Variants in ERC2 observed in about 807,000 individuals in gnomAD.
The protein encoded by ERC2 is ERC protein 2.
ERC2 carries 42 observed loss-of-function variants against 114.8 expected under a neutral mutation model. The ratio of observed to expected loss-of-function variants is 0.37; its 90% CI spans 0.29 to 0.47. The LOEUF (loss-of-function observed/expected upper bound fraction) is 0.47. Among genes scored for constraint, ERC2 ranks in the 20% least tolerant of loss-of-function variants. The probability of loss-of-function intolerance (pLI) is 0.99; values close to 1 mark genes in which losing one functional copy is unlikely to be tolerated. For missense variants in ERC2, 939 were observed against 1,150.7 expected (o/e 0.82, Z 2.66); for synonymous variants, 454 against 425.5 (o/e 1.07, Z -0.82).
intron 14 of ERC2, among the ~76,000 whole-genome samples, chr3:55,738,481 G>A (rs927639824): frequency 2.6e-5 from 4 of 152,064 alleles, no homozygotes; most frequent in African/African-American, 9.7e-5. Context: ...AATCTTAGCA[G>A]GTATATAATT....
At chr3:56,210,406 T>C (rs2048988538) in intron 3 of ERC2, among the ~76,000 whole-genome samples, 1 of 152,270 alleles carries the variant, frequency 6.6e-6, no homozygotes, top group South Asian at 2.1e-4. Flanking sequence ...CATAATTTAA[T>C]TATTGCCTGA....
In ERC2 at chr3:55,937,211, G is replaced by A. The variant is rs559606508; in HGVS notation, c.2403+13214C>T. Among the ~76,000 whole-genome samples, 23 of 152,284 alleles carry A rather than the reference G, an allele frequency of 1.5e-4. 1 individual carries two copies. Among genetic ancestry groups the A allele is most frequent in the Middle Eastern group, 6.8e-3 (2 of 294 alleles). ...CAAAAATTAGCCAGTTAGTAGATGA[G>A]CCAGGCTCAGGCCTCTAATCCCAGC... On this transcript the variant is annotated intron_variant, in intron 13 of 17. Transcript: ENST00000288221.
intron 12 of ERC2, among the ~76,000 whole-genome samples, chr3:55,975,342 T>C (rs1485249944): frequency 6.6e-6 from 1 of 152,190 alleles, no homozygotes; most frequent in Non-Finnish European, 1.5e-5. Context: ...GTTTCCATAT[T>C]CCATATAGTT....
chr3:56,074,260 G>T (rs2076874030), intron 7 of ERC2, among the ~76,000 whole-genome samples: 1 of 152,060 alleles, frequency 6.6e-6, no homozygotes, highest in Admixed American at 6.6e-5. Context: ...CTAAACCATA[G>T]TCTCTCATTT....
chr3:56,160,087 G>C (rs1011806115), intron 4 of ERC2, among the ~76,000 whole-genome samples: 1 of 152,172 alleles, frequency 6.6e-6, no homozygotes, highest in African/African-American at 2.4e-5. Flanking sequence ...GCTTTCCACA[G>C]AGGCTGACCT....
intron 17 of ERC2, among the ~76,000 whole-genome samples, chr3:55,525,781 C>G (rs911616980): frequency 1.3e-5 from 2 of 152,046 alleles, no homozygotes; most frequent in Admixed American, 1.3e-4. Context: ...AGGGGAGTGA[C>G]CTGGCCAGAT....
At chr3:55,891,557 C>T (rs1446553786) in intron 13 of ERC2, among the ~76,000 whole-genome samples, 7 of 150,304 alleles carry the variant, frequency 4.7e-5, no homozygotes, top group African/African-American at 1.7e-4. Flanking sequence ...AGTGATTCTC[C>T]TGCCTCAGCC....
chr3:56,147,910 A>G (rs2081226954), intron 5 of ERC2, among the ~76,000 whole-genome samples: 1 of 152,216 alleles, frequency 6.6e-6, no homozygotes, highest in South Asian at 2.1e-4. Flanking sequence ...GGTCCATTTA[A>G]AGCCACAAAT....
chr3:56,398,613 G>T (rs902127716), intron 2 of ERC2, among the ~76,000 whole-genome samples: 1 of 151,396 alleles, frequency 6.6e-6, no homozygotes, highest in Admixed American at 6.6e-5. Context: ...ATATGTGTTT[G>T]TGTATATATA....
intron 14 of ERC2, among the ~76,000 whole-genome samples, chr3:55,833,152 C>T (rs529453351): frequency 1.0e-3 from 151 of 149,832 alleles, no homozygotes; most frequent in African/African-American, 3.3e-3. Flanking sequence ...CTGAAAGTGA[C>T]GGGGAGAATG....
chr3:55,678,393 T>A (rs1048018532), intron 17 of ERC2, among the ~76,000 whole-genome samples: 6 of 152,142 alleles, frequency 3.9e-5, no homozygotes, highest in Non-Finnish European at 8.8e-5. Context: ...TCCCTGGAGA[T>A]CTCAGGGGGA....
intron 17 of ERC2, among the ~76,000 whole-genome samples, chr3:55,542,076 C>G (rs1217048524): frequency 1.3e-5 from 2 of 152,170 alleles, no homozygotes; most frequent in Non-Finnish European, 2.9e-5. Context: ...AAAATTGAGA[C>G]AGAAAATCTA....
intron 13 of ERC2, among the ~76,000 whole-genome samples, chr3:55,902,752 T>C (rs2064206053): frequency 6.6e-6 from 1 of 151,774 alleles, no homozygotes; most frequent in East Asian, 1.9e-4. Flanking sequence ...CTAATGAGAG[T>C]GGGGTTTTGA....
At chr3:55,852,564 A>G (rs2061619910) in intron 14 of ERC2, 1 of 154,326 alleles carries the variant, frequency 6.5e-6, no homozygotes. Context: ...ATTCCCTTGT[A>G]GATAATCTAG....
intron 3 of ERC2, among the ~76,000 whole-genome samples, chr3:56,212,733 A>C (rs1278160082): frequency 2.0e-5 from 3 of 151,112 alleles, no homozygotes; most frequent in Non-Finnish European, 4.4e-5. Context: ...TGGATACAGA[A>C]AATATGATAT....
chr3:55,775,989 T>C (rs1305093382), intron 14 of ERC2, among the ~76,000 whole-genome samples: 2 of 152,154 alleles, frequency 1.3e-5, no homozygotes, highest in East Asian at 1.9e-4. Flanking sequence ...AGAAAGCAGT[T>C]TGGTGGTGAT....
intron 6 of ERC2, among the ~76,000 whole-genome samples, chr3:56,090,027 A>G (rs574493921): frequency 1.1e-4 from 16 of 152,298 alleles, no homozygotes; most frequent in African/African-American, 3.6e-4. Flanking sequence ...CTACAAAAGA[A>G]AATTTTTGAC....
intron 2 of ERC2, among the ~76,000 whole-genome samples, chr3:56,303,882 G>A (rs1394461554): frequency 2.0e-5 from 3 of 152,128 alleles, no homozygotes; most frequent in South Asian, 4.1e-4. Flanking sequence ...ATTAGGCAGA[G>A]AACAAAAGCC....
chr3:56,355,875 C>G (rs944664508), intron 2 of ERC2, among the ~76,000 whole-genome samples: 2 of 152,168 alleles, frequency 1.3e-5, no homozygotes, highest in African/African-American at 4.8e-5. Context: ...TCTGTCTGCT[C>G]CAGCACCGTA....
Sources: gnomAD v4.1 joint callset for allele counts (sites outside exome capture counted in the v4.1 genomes callset) on GRCh38, gnomAD v4.1.1 for gene constraint, MANE v1.5 for transcripts, NCBI Gene and HGNC (gene_info 2026-07-23, HGNC 2026-07-21) for gene names.